PRKAR2A: variants seen among roughly 807,000 people sequenced by gnomAD.
PRKAR2A encodes protein kinase cAMP-dependent type II regulatory subunit alpha.
Under a neutral mutation model 51.9 loss-of-function variants are expected in PRKAR2A, and 29 were observed. The observed-to-expected ratio is 0.56, with a 90% CI of 0.42 to 0.76. The LOEUF is 0.76. PRKAR2A is among the 30% of genes least tolerant of loss of function. The probability of loss-of-function intolerance (pLI) is 0.00; values close to 1 mark genes in which losing one functional copy is unlikely to be tolerated. For missense variants in PRKAR2A, 445 were observed against 512.1 expected, an observed-to-expected ratio of 0.87 and a Z score of 1.26; for synonymous variants, 178 against 186.2, an observed-to-expected ratio of 0.96 and a Z score of 0.36.
chr3:48,745,689 C>T (rs2081556071), downstream of PRKAR2A, among the ~76,000 whole-genome samples: 1 of 151,938 alleles, frequency 6.6e-6, no homozygotes, highest in African/African-American at 2.4e-5. Flanking sequence ...TAGGAATGTG[C>T]CACCATACCT....
chr3:48,747,448 G>A lies in PRKAR2A; in HGVS notation c.*4137C>T, dbSNP rs777182384. The stretch of plus-strand genomic sequence containing the variant: ...ACCTCTCACTGAATACGATATCACT[G>A]TGTGCAGAGAAAACGGGCAATCAGA... On this transcript the variant is annotated 3_prime_UTR_variant, in exon 11 of 11. Coordinates refer to ENST00000265563, the MANE Select transcript of PRKAR2A (RefSeq NM_004157.4). 4 of 152,158 alleles carry A rather than the reference G, an allele frequency of 2.6e-5. No homozygotes were observed. Among genetic ancestry groups the A allele is most frequent in the Non-Finnish European group, 5.9e-5 (4 of 68,032 alleles). The allele number at this position is 152,158 out of a possible 1,614,324, so 9.4% of individuals were successfully genotyped here.
At chr3:48,798,977 C>G (rs183736606) in intron 2 of PRKAR2A, among the ~76,000 whole-genome samples, 83 of 152,262 alleles carry the variant, frequency 5.5e-4, no homozygotes, top group Admixed American at 5.4e-3. Context: ...TTCTTTTGAA[C>G]CCTGGACTTA....
intron 1 of PRKAR2A, among the ~76,000 whole-genome samples, chr3:48,840,596 A>C (rs1356550524): frequency 3.9e-5 from 1 of 25,866 alleles, no homozygotes; most frequent in African/African-American, 1.6e-4. Flanking sequence ...TTTTTTTTTG[A>C]GACGGAGTCT....
At chr3:48,818,915 G>A (rs2082915546) in intron 1 of PRKAR2A, among the ~76,000 whole-genome samples, 1 of 152,102 alleles carries the variant, frequency 6.6e-6, no homozygotes, top group South Asian at 2.1e-4. Flanking sequence ...GGGTTTGTTT[G>A]CTGGTTTTTC....
intron 1 of PRKAR2A, among the ~76,000 whole-genome samples, chr3:48,843,344 C>T (rs2107471324): frequency 6.6e-6 from 1 of 151,824 alleles, no homozygotes; most frequent in African/African-American, 2.4e-5. Context: ...TTTTGTTGAT[C>T]CTTTCAAAAA....
intron 1 of PRKAR2A, among the ~76,000 whole-genome samples, chr3:48,842,440 C>A (rs1384787591): frequency 6.6e-6 from 1 of 152,204 alleles, no homozygotes; most frequent in Non-Finnish European, 1.5e-5. Flanking sequence ...GCCACAACTT[C>A]CAACACTATG....
At chr3:48,828,726 A>G (rs113606663) in intron 1 of PRKAR2A, among the ~76,000 whole-genome samples, 32 of 151,080 alleles carry the variant, frequency 2.1e-4, no homozygotes, top group African/African-American at 3.6e-4. Flanking sequence ...AAAAAAAAAA[A>G]AAAGAAAGAA....
At chr3:48,796,669 GGT>G (rs1491333696) in intron 2 of PRKAR2A, among the ~76,000 whole-genome samples, 1 of 97,090 alleles carries the variant, frequency 1.0e-5, no homozygotes, top group African/African-American at 3.6e-5. Flanking sequence ...GTAGAGACGG[GGT>G]TTTTTTTTTT....
At chr3:48,814,923 T>C (rs1246269267) in intron 1 of PRKAR2A, among the ~76,000 whole-genome samples, 2 of 152,208 alleles carry the variant, frequency 1.3e-5, no homozygotes, top group Non-Finnish European at 2.9e-5. Flanking sequence ...TGTTTTGTTT[T>C]ATTTTTGAGA....
intron 1 of PRKAR2A, among the ~76,000 whole-genome samples, chr3:48,817,807 T>G (rs1203354940): frequency 1.3e-5 from 2 of 151,808 alleles, no homozygotes; most frequent in African/African-American, 2.4e-5. Flanking sequence ...AAAAAAAGAT[T>G]TGGTATGCTC....
At chr3:48,827,469 C>T (rs2083087234) in intron 1 of PRKAR2A, among the ~76,000 whole-genome samples, 1 of 152,102 alleles carries the variant, frequency 6.6e-6, no homozygotes, top group African/African-American at 2.4e-5. Context: ...GCACATGTAT[C>T]ACTTCATTCT....
rs1160883747 is a variant in PRKAR2A at position 48,755,780 on chromosome 3, C to CTT, written c.939+597_939+598dup. 1.3e-4 allele frequency among the ~76,000 whole-genome samples: 17 copies of CTT among 133,480 alleles called. No homozygotes were observed. The East Asian group carries it at 1.7e-3, about 13-fold the overall frequency. The allele number at this position is 133,480 out of a possible 152,430, so 87.6% of individuals were successfully genotyped here. A position where few individuals can be genotyped will look rare whatever the true frequency, so the allele number is the denominator to read the frequency against. On this transcript the variant is annotated intron_variant, in intron 9 of 10. Coordinates refer to ENST00000265563, the MANE Select transcript of PRKAR2A (RefSeq NM_004157.4). ...AGACATTGCGCCCAGCCCCCATTTCCTTTTTTTTTTTTTTTTTTGACGGAG... is the reference window on the plus strand; with the variant it reads ...AGACATTGCGCCCAGCCCCCATTTCCTTTTTTTTTTTTTTTTTTTTGACGGAG...
intron 8 of PRKAR2A, among the ~76,000 whole-genome samples, chr3:48,761,837 C>T (rs553475006): frequency 4.6e-5 from 7 of 152,206 alleles, no homozygotes; most frequent in East Asian, 3.9e-4. Context: ...AGGCTGGTCT[C>T]GAACTCCTGG....
intron 10 of PRKAR2A, 72 bp from the exon 11 acceptor site, chr3:48,751,790 C>T: frequency 6.5e-7 from 1 of 1,528,218 alleles, no homozygotes. Flanking sequence ...TTTTCCTAAA[C>T]ATACCCATTC....
intron 2 of PRKAR2A, among the ~76,000 whole-genome samples, chr3:48,804,587 C>T (rs2082644957): frequency 6.6e-6 from 1 of 152,130 alleles, no homozygotes; most frequent in African/African-American, 2.4e-5. Context: ...AAAAAGACGG[C>T]AGAATCAACA....
At chr3:48,772,558 T>G (rs900449635) in intron 6 of PRKAR2A, among the ~76,000 whole-genome samples, 1 of 152,204 alleles carries the variant, frequency 6.6e-6, no homozygotes, top group African/African-American at 2.4e-5. Flanking sequence ...TTTTCAATCA[T>G]TGAGTCCCCA....
intron 3 of PRKAR2A, among the ~76,000 whole-genome samples, chr3:48,791,671 C>CCGAGGTGGGTGGATCA (rs1325954650): frequency 2.7e-5 from 4 of 148,368 alleles, no homozygotes; most frequent in African/African-American, 9.9e-5. Flanking sequence ...CTTTGAGAGG[C>CCGAGGTGGGTGGATCA]CGAGGTGGGT....
chr3:48,794,155 T>G, intron 2 of PRKAR2A, 106 bp from the exon 3 acceptor site: 1 of 237,010 alleles, frequency 4.2e-6, no homozygotes, highest in Admixed American at 6.9e-5. Context: ...TTTTCTTTTC[T>G]TTTTTTTTTT....
chr3:48,754,996 C>CTTT (rs1279558575), intron 9 of PRKAR2A, among the ~76,000 whole-genome samples: 5 of 125,812 alleles, frequency 4.0e-5, no homozygotes, highest in East Asian at 2.6e-4. Context: ...TACTTATTAA[C>CTTT]TTTTTTTTTT....
Sources: allele counts gnomAD v4.1 joint callset (sites outside exome capture counted in the v4.1 genomes callset), GRCh38; gene constraint gnomAD v4.1.1; transcripts MANE v1.5; gene names NCBI Gene and HGNC (gene_info 2026-07-23, HGNC 2026-07-21).